PPP3CA: variants seen among roughly 807,000 people sequenced by gnomAD.
PPP3CA encodes the protein protein phosphatase 3 catalytic subunit alpha, also known as CAM-PRP catalytic subunit.
Under a neutral mutation model 66.5 loss-of-function variants are expected in PPP3CA, and 14 were observed. That is an observed-to-expected ratio of 0.21 (90% confidence interval 0.14 to 0.33). The LOEUF (loss-of-function observed/expected upper bound fraction) is 0.33, where lower values mean the gene tolerates loss of function less well. PPP3CA is among the 10% of genes least tolerant of loss of function. The pLI, the probability that PPP3CA is intolerant of heterozygous loss-of-function variation, is 1.00. For missense variants in PPP3CA, 317 were observed against 639.5 expected (o/e 0.50, Z 5.44); for synonymous variants, 232 against 226.2 (o/e 1.03, Z -0.23).
chr4:101,119,379 T>A (rs1203646840), intron 2 of PPP3CA, among the ~76,000 whole-genome samples: 1 of 152,076 alleles, frequency 6.6e-6, no homozygotes, highest in Non-Finnish European at 1.5e-5. Flanking sequence ...TTTTCTTTTG[T>A]AGCAAAGCTC....
At chr4:101,264,901 C>G (rs1179600773) in intron 1 of PPP3CA, among the ~76,000 whole-genome samples, 1 of 152,130 alleles carries the variant, frequency 6.6e-6, no homozygotes, top group Non-Finnish European at 1.5e-5. Context: ...CAGATTTTAT[C>G]TTCTGAATCC....
chr4:101,081,494 G>C lies in PPP3CA; in HGVS notation c.861-868C>G, dbSNP rs1414289310. ...TTCTCAATTAAAAATACAGGTGACT[G>C]TGTCTCTTTTACATAAGGATAAAAA... On this transcript the variant is annotated intron_variant, in intron 7 of 13. Coordinates refer to ENST00000394854, the MANE Select transcript of PPP3CA (RefSeq NM_000944.5). Among the ~76,000 whole-genome samples the C allele has an allele frequency of 2.0e-5, 3 of 152,154 alleles. No homozygotes were observed. In the East Asian group the frequency reaches 5.8e-4, roughly 29 times the overall value.
intron 1 of PPP3CA, among the ~76,000 whole-genome samples, chr4:101,328,343 A>G (rs891125189): frequency 1.3e-5 from 2 of 152,254 alleles, no homozygotes; most frequent in Non-Finnish European, 2.9e-5. Context: ...CAATTTAAGA[A>G]TTGTATAACT....
At chr4:101,133,277 G>A (rs1722508832) in intron 2 of PPP3CA, among the ~76,000 whole-genome samples, 1 of 152,048 alleles carries the variant, frequency 6.6e-6, no homozygotes, top group Non-Finnish European at 1.5e-5. Context: ...AAGAAATAAA[G>A]GTATTCAAAT....
intron 2 of PPP3CA, among the ~76,000 whole-genome samples, chr4:101,151,871 T>A (rs1343839399): frequency 6.6e-6 from 1 of 151,974 alleles, no homozygotes; most frequent in Non-Finnish European, 1.5e-5. Context: ...TTAGCCAGGA[T>A]GATCTTGATC....
chr4:101,275,428 G>A (rs1317542548), intron 1 of PPP3CA, among the ~76,000 whole-genome samples: 1 of 152,038 alleles, frequency 6.6e-6, no homozygotes, highest in East Asian at 1.9e-4. Context: ...TAAGAAACAC[G>A]GTTGCCAGTA....
At chr4:101,244,309 A>G (rs1726406217) in intron 1 of PPP3CA, among the ~76,000 whole-genome samples, 1 of 152,164 alleles carries the variant, frequency 6.6e-6, no homozygotes, top group South Asian at 2.1e-4. Context: ...AGTAACTTAG[A>G]GTCCACACAC....
At chr4:101,148,789 A>G (rs1723046420) in intron 2 of PPP3CA, among the ~76,000 whole-genome samples, 1 of 152,128 alleles carries the variant, frequency 6.6e-6, no homozygotes, top group African/African-American at 2.4e-5. Context: ...TAAGAGTCAA[A>G]GGTTCTCTCA....
chr4:101,028,937 A>G (rs1726793279), intron 13 of PPP3CA, among the ~76,000 whole-genome samples: 1 of 152,180 alleles, frequency 6.6e-6, no homozygotes, highest in Non-Finnish European at 1.5e-5. Context: ...CTGTGATTAT[A>G]GTATTCATCA....
chr4:101,084,941 T>A (rs1421858657), intron 6 of PPP3CA, among the ~76,000 whole-genome samples: 1 of 152,288 alleles, frequency 6.6e-6, no homozygotes, highest in East Asian at 1.9e-4. Flanking sequence ...GTACCCAGAA[T>A]CAGGTGTTGA....
At chr4:101,161,837 T>C (rs1023200633) in intron 2 of PPP3CA, among the ~76,000 whole-genome samples, 1 of 151,204 alleles carries the variant, frequency 6.6e-6, no homozygotes, top group Non-Finnish European at 1.5e-5. Flanking sequence ...ATAATAGGAG[T>C]TGCCTAAAAG....
At chr4:101,067,323 CAAGGGCCTGCTCCTACTTGGTG>C (rs1728722002) in intron 8 of PPP3CA, among the ~76,000 whole-genome samples, 1 of 151,982 alleles carries the variant, frequency 6.6e-6, no homozygotes, top group Admixed American at 6.6e-5. Flanking sequence ...AATTAGTAAT[CAAGGGCCTGCTCCTACTTGGTG>C]AATGGGGAAG....
At chr4:101,080,952 C>T (rs779176776) in intron 7 of PPP3CA, among the ~76,000 whole-genome samples, 5 of 152,062 alleles carry the variant, frequency 3.3e-5, no homozygotes, top group East Asian at 3.9e-4. Context: ...TTAGTGCACA[C>T]AGATACTTTG....
intron 3 of PPP3CA, among the ~76,000 whole-genome samples, chr4:101,106,490 GAAAAGA>G (rs1337512180): frequency 3.6e-4 from 22 of 61,546 alleles, no homozygotes; most frequent in Non-Finnish European, 6.2e-4. Flanking sequence ...GAAAAGAAAA[GAAAAGA>G]AAAGAAAGAA....
At chr4:101,172,916 T>A (rs1470930854) in intron 2 of PPP3CA, among the ~76,000 whole-genome samples, 3 of 152,192 alleles carry the variant, frequency 2.0e-5, no homozygotes, top group Non-Finnish European at 4.4e-5. Context: ...TTCAGACTAA[T>A]AAAATCAATT....
At chr4:101,244,459 T>G (rs1726411544) in intron 1 of PPP3CA, among the ~76,000 whole-genome samples, 1 of 152,124 alleles carries the variant, frequency 6.6e-6, no homozygotes, top group Non-Finnish European at 1.5e-5. Flanking sequence ...ACACAGAGTA[T>G]TCCAAGAGCA....
At chr4:101,169,108 C>A (rs1723788049) in intron 2 of PPP3CA, among the ~76,000 whole-genome samples, 1 of 152,166 alleles carries the variant, frequency 6.6e-6, no homozygotes, top group South Asian at 2.1e-4. Flanking sequence ...CAAACAGGAA[C>A]TACAGATAAG....
At chr4:101,262,584 G>A (rs942625007) in intron 1 of PPP3CA, among the ~76,000 whole-genome samples, 3 of 152,126 alleles carry the variant, frequency 2.0e-5, no homozygotes, top group Non-Finnish European at 4.4e-5. Context: ...TCATTTTGCA[G>A]AGAAGAAAAT....
chr4:101,124,712 AG>A (rs1722157542), intron 2 of PPP3CA, among the ~76,000 whole-genome samples: 1 of 97,560 alleles, frequency 1.0e-5, no homozygotes, highest in African/African-American at 4.0e-5. Context: ...AAAGAAAGAA[AG>A]AAAGAAAGAA....
Sources: gnomAD v4.1 joint callset for allele counts (sites outside exome capture counted in the v4.1 genomes callset) on GRCh38, gnomAD v4.1.1 for gene constraint, MANE v1.5 for transcripts, NCBI Gene and HGNC (gene_info 2026-07-23, HGNC 2026-07-21) for gene names.